PPP1R21: variants seen among roughly 807,000 people sequenced by gnomAD.
The protein encoded by PPP1R21 is KLRAQ motif containing 1.
A neutral mutation model predicts 112.8 loss-of-function variants in PPP1R21; 85 were observed. The observed-to-expected ratio is 0.75, with a 90% CI of 0.63 to 0.90. PPP1R21 has a LOEUF of 0.90. PPP1R21 is among the 40% of genes least tolerant of loss of function. The pLI is 0.00. For synonymous variants in PPP1R21, 381 were observed against 322.3 expected, an observed-to-expected ratio of 1.18 and a Z score of -1.95; for missense variants, 1,199 against 901.5, an observed-to-expected ratio of 1.33 and a Z score of -4.23.
At chr2:48,513,283 C>A (rs1223800121) in intron 21 of PPP1R21, among the ~76,000 whole-genome samples, 2 of 151,794 alleles carry the variant, frequency 1.3e-5, no homozygotes, top group Non-Finnish European at 2.9e-5. Flanking sequence ...TGGCTCACTG[C>A]AACCTTCACC....
chr2:48,455,562 A>G (rs1667683532), intron 3 of PPP1R21, among the ~76,000 whole-genome samples: 2 of 152,218 alleles, frequency 1.3e-5, no homozygotes, highest in African/African-American at 4.8e-5. Context: ...ATTTTAAAGA[A>G]CTTATTAGGA....
At chr2:48,505,682 C>T in intron 18 of PPP1R21, 86 bp downstream of exon 18, 1 of 1,163,024 alleles carries the variant, frequency 8.6e-7, no homozygotes, top group South Asian at 1.3e-5. Flanking sequence ...CCATCTTTGT[C>T]TAATTGTTGT....
At position 48,514,733 on chromosome 2, in the gene PPP1R21, A is replaced by C. The variant is rs1301387131; in HGVS notation, c.2332A>C (p.Lys778Gln). ...MSSKGNSKKN[K>Q]SR ...TGCACAGGGGAATTCTAAAAAGAAC[A>C]AGAGTCGATAGTTTTGAAATAGCTG... is the stretch of plus-strand genomic sequence containing the variant. Residue 778 changes from lysine to glutamine, a missense_variant, in exon 22 of 22, where the codon AAG becomes CAG. Lys to Gln is a moderately conservative substitution (Grantham distance 53). Coordinates refer to ENST00000294952, the MANE Select transcript of PPP1R21 (RefSeq NM_001135629.3). 6.2e-7 allele frequency: 1 copy of C among 1,611,222 alleles called. No homozygotes were observed. The highest frequency in any genetic ancestry group is 2.2e-5 in the East Asian group (1 of 44,878).
At chr2:48,497,400 A>T (rs1669894627) in intron 16 of PPP1R21, among the ~76,000 whole-genome samples, 1 of 152,212 alleles carries the variant, frequency 6.6e-6, no homozygotes, top group African/African-American at 2.4e-5. Flanking sequence ...AGCCTTCCTC[A>T]TGCCCATTTC....
At chr2:48,465,834 G>A (rs746818867) in intron 9 of PPP1R21, among the ~76,000 whole-genome samples, 192 bp downstream of exon 9, 1 of 152,196 alleles carries the variant, frequency 6.6e-6, no homozygotes, top group Non-Finnish European at 1.5e-5. Context: ...CTAGGGAAGT[G>A]TATTAGTCTG....
At chr2:48,494,239 CAAAAAAAAAAAAAAAAAAAAAAAAAA>C (rs70943345) in intron 15 of PPP1R21, among the ~76,000 whole-genome samples, 6 of 42,270 alleles carry the variant, frequency 1.4e-4, no homozygotes, top group Admixed American at 8.6e-4. Flanking sequence ...GACCTTGTCT[CAAAAAAAAAAAAAAAAAAAAAAAAAA>C]AAAAAAAAAA....
intron 14 of PPP1R21, among the ~76,000 whole-genome samples, chr2:48,489,920 C>A (rs1359872318): frequency 1.3e-5 from 2 of 152,128 alleles, no homozygotes; most frequent in Non-Finnish European, 2.9e-5. Context: ...TGGTGCACAA[C>A]TGTAATCCCA....
Position 48,460,165 on chromosome 2 carries a change from C to T in PPP1R21, c.599+12C>T. ...CGAACGGAAGAATGGTATGTGGAAA[C>T]TTGAATTCCAAGAGGGTTCTGAAGC... On this transcript the variant is annotated intron_variant, in intron 6 of 21. Coordinates refer to ENST00000294952, the MANE Select transcript of PPP1R21 (RefSeq NM_001135629.3). The T allele has an allele frequency of 1.2e-6, 2 of 1,613,836 alleles. No individual in the cohort carries two copies. The highest frequency in any genetic ancestry group is 1.1e-5 in the South Asian group (1 of 91,052).
At chr2:48,469,238 C>G (rs1269587986) in intron 9 of PPP1R21, among the ~76,000 whole-genome samples, 1 of 140,224 alleles carries the variant, frequency 7.1e-6, no homozygotes, top group African/African-American at 2.7e-5. Context: ...GGGACACAGC[C>G]AAACCATATC....
chr2:48,486,303 CAGTGGTTTTTAACTGGTAAAT>C (rs1321273217), intron 13 of PPP1R21, among the ~76,000 whole-genome samples: 3 of 152,046 alleles, frequency 2.0e-5, no homozygotes, highest in African/African-American at 7.2e-5. Context: ...ACTATCAAAA[CAGTGGTTTTTAACTGGTAAAT>C]AGTGGTTTTT....
At chr2:48,470,519 CAA>C (rs34486239) in intron 9 of PPP1R21, among the ~76,000 whole-genome samples, 21 of 79,346 alleles carry the variant, frequency 2.6e-4, no homozygotes, top group Admixed American at 7.2e-4. Context: ...AACTCTGTCT[CAA>C]AAAAAAAAAA....
At position 48,474,706 on chromosome 2, in the gene PPP1R21, C is replaced by G. The variant is rs373193262; in HGVS notation, c.1112C>G (p.Ser371Cys). ...LKSLEEECESSLCTSALRARN... is the reference protein window; with the variant it reads ...LKSLEEECESCLCTSALRARN... ...AGTTTAGAAGAAGAATGTGAATCCT[C>G]TCTTTGCACATCTGCGTTAAGAGCC... Residue 371 changes from serine (S) to cysteine (C), a missense_variant, in exon 12 of 22, where the codon TCT (serine) becomes TGT (cysteine). Ser to Cys is a moderately radical substitution (Grantham distance 112). Coordinates refer to ENST00000294952, the MANE Select transcript of PPP1R21 (RefSeq NM_001135629.3). The G allele has an allele frequency of 4.3e-6, 7 of 1,609,774 alleles. 1 individual carries two copies. Among genetic ancestry groups the G allele is most frequent in the Middle Eastern group, 3.3e-4 (2 of 6,066 alleles).
chr2:48,507,400 A>T lies in PPP1R21; in HGVS notation c.2085+15A>T, dbSNP rs756540832. 1.3e-5 allele frequency: 20 copies of T among 1,590,606 alleles called. No individual in the cohort carries two copies. In the East Asian group the frequency reaches 4.6e-4, roughly 37 times the overall value. On this transcript the variant is annotated intron_variant, in intron 19 of 21. Transcript: ENST00000294952. Reference sequence around the variant, plus strand: ...TTTATGCCGAGGTGAGTGTAGATTTAATTAGATTGGTGGTTTTTTTCCTAA... The same window carrying T: ...TTTATGCCGAGGTGAGTGTAGATTTTATTAGATTGGTGGTTTTTTTCCTAA...
chr2:48,450,703 G>A lies in PPP1R21; in HGVS notation c.58-305G>A, dbSNP rs189715224. Among the ~76,000 whole-genome samples, 96 of 152,144 alleles carry A rather than the reference G, an allele frequency of 6.3e-4. 2 individuals carry two copies. Among genetic ancestry groups the A allele is most frequent in the African/African-American group, 2.2e-3 (91 of 41,516 alleles). ...TTGTATTAGTTTTTATTTAGGGATGGGACTTGGTTTTATAGAAAGAGTGAC... is the reference window on the plus strand; with the variant it reads ...TTGTATTAGTTTTTATTTAGGGATGAGACTTGGTTTTATAGAAAGAGTGAC... On this transcript the variant is annotated intron_variant, in intron 1 of 21. Coordinates refer to ENST00000294952, the MANE Select transcript of PPP1R21 (RefSeq NM_001135629.3).
chr2:48,459,548 C>G (rs1040187997), intron 4 of PPP1R21, among the ~76,000 whole-genome samples: 1 of 152,092 alleles, frequency 6.6e-6, no homozygotes, highest in Non-Finnish European at 1.5e-5. Flanking sequence ...CTCTTTTAAG[C>G]TTGAGTTTCC....
chr2:48,493,165 C>A (rs1010076250), intron 15 of PPP1R21, among the ~76,000 whole-genome samples: 25 of 152,032 alleles, frequency 1.6e-4, no homozygotes, highest in Non-Finnish European at 1.0e-4. Flanking sequence ...GCCACCACAC[C>A]CAGCTAATTT....
intron 20 of PPP1R21, 123 bp downstream of exon 20, chr2:48,510,236 A>T: frequency 1.7e-6 from 1 of 575,736 alleles, no homozygotes; most frequent in Non-Finnish European, 2.9e-6. Flanking sequence ...TAACCACTGT[A>T]TTTCTGATTC....
chr2:48,467,091 C>T (rs190885385), intron 9 of PPP1R21, among the ~76,000 whole-genome samples: 1 of 152,276 alleles, frequency 6.6e-6, no homozygotes, highest in East Asian at 1.9e-4. Context: ...GTAAAACAAC[C>T]TGTGTGGTAT....
At chr2:48,462,764 G>T (rs972021130) in intron 7 of PPP1R21, among the ~76,000 whole-genome samples, 5 of 152,162 alleles carry the variant, frequency 3.3e-5, no homozygotes, top group African/African-American at 1.2e-4. Flanking sequence ...ACATCATGTT[G>T]CTATATGTGT....
Sources: gnomAD v4.1 joint callset for allele counts (sites outside exome capture counted in the v4.1 genomes callset) on GRCh38, gnomAD v4.1.1 for gene constraint, MANE v1.5 for transcripts, NCBI Gene and HGNC (gene_info 2026-07-23, HGNC 2026-07-21) for gene names.